ANO2: variants seen among roughly 807,000 people sequenced by gnomAD.
ANO2 encodes the protein anoctamin 2.
In ANO2, 101 loss-of-function variants were observed where a neutral mutation model predicts 124.2. The observed-to-expected ratio is 0.81, with a 90% CI of 0.69 to 0.96. ANO2 has a LOEUF of 0.96. Among genes scored for constraint, ANO2 ranks in the 40% least tolerant of loss-of-function variants. The probability of loss-of-function intolerance (pLI) is 0.00; values close to 1 mark genes in which losing one functional copy is unlikely to be tolerated. For missense variants in ANO2, 1,293 were observed against 1,274.5 expected (o/e 1.01, Z -0.22); for synonymous variants, 486 against 482.5 (o/e 1.01, Z -0.09).
chr12:5,656,080 G>C (rs1235926100), intron 14 of ANO2, among the ~76,000 whole-genome samples: 1 of 152,014 alleles, frequency 6.6e-6, no homozygotes, highest in African/African-American at 2.4e-5. Context: ...CAGATGATAA[G>C]GAAGTGGATG....
At chr12:5,714,382 T>C (rs1949935862) in intron 14 of ANO2, among the ~76,000 whole-genome samples, 2 of 152,160 alleles carry the variant, frequency 1.3e-5, no homozygotes, top group Non-Finnish European at 2.9e-5. Flanking sequence ...TAGCTGGAAC[T>C]AAGGCCGTGG....
intron 3 of ANO2, among the ~76,000 whole-genome samples, chr12:5,892,728 A>G (rs773130101): frequency 5.3e-5 from 8 of 152,212 alleles, no homozygotes; most frequent in Non-Finnish European, 7.4e-5. Flanking sequence ...CTGTGAGGAA[A>G]ACTAAGGTAA....
At chr12:5,683,083 ACTGTGCACTCTGTGTACC>A (rs1175064447) in intron 14 of ANO2, among the ~76,000 whole-genome samples, 1 of 152,140 alleles carries the variant, frequency 6.6e-6, no homozygotes, top group Admixed American at 6.5e-5. Context: ...GAGACTGTAT[ACTGTGCACTCTGTGTACC>A]CTGTGCACTC....
intron 14 of ANO2, among the ~76,000 whole-genome samples, chr12:5,691,188 C>T (rs1349076834): frequency 3.3e-5 from 5 of 151,888 alleles, no homozygotes; most frequent in East Asian, 3.9e-4. Flanking sequence ...ATTAGCCAGG[C>T]GTGGTGGCAC....
intron 3 of ANO2, among the ~76,000 whole-genome samples, chr12:5,879,598 A>G (rs1385230580): frequency 1.3e-5 from 2 of 152,222 alleles, no homozygotes; most frequent in African/African-American, 4.8e-5. Context: ...CAAGTGGGGA[A>G]GAGGAAACCT....
chr12:5,691,411 T>C (rs1445489980), intron 14 of ANO2, among the ~76,000 whole-genome samples: 1 of 149,532 alleles, frequency 6.7e-6, no homozygotes, highest in Non-Finnish European at 1.5e-5. Context: ...CAGGTCCTGG[T>C]AGGTGGAATA....
chr12:5,907,845 GTTC>G (rs1940800166), intron 3 of ANO2, among the ~76,000 whole-genome samples: 1 of 152,216 alleles, frequency 6.6e-6, no homozygotes, highest in African/African-American at 2.4e-5. Context: ...CATACCCTAA[GTTC>G]TTCTTGCTAC....
At chr12:5,724,712 G>C (rs570297527) in intron 14 of ANO2, among the ~76,000 whole-genome samples, 3 of 152,000 alleles carry the variant, frequency 2.0e-5, no homozygotes, top group Non-Finnish European at 2.9e-5. Flanking sequence ...CTCTATCCAC[G>C]GCCTCCTCTA....
intron 14 of ANO2, among the ~76,000 whole-genome samples, chr12:5,681,646 C>T (rs1468883140): frequency 6.6e-6 from 1 of 152,194 alleles, no homozygotes; most frequent in Non-Finnish European, 1.5e-5. Context: ...GTCACTTCCA[C>T]CCTGGAGGAA....
chr12:5,768,250 G>C (rs532635040), intron 10 of ANO2, among the ~76,000 whole-genome samples: 2 of 152,244 alleles, frequency 1.3e-5, no homozygotes, highest in Admixed American at 6.5e-5. Context: ...AGAATAATCA[G>C]TCCTCAACCC....
Position 5,818,346 on chromosome 12 carries a change from C to T in ANO2, c.892+9423G>A, listed in dbSNP as rs570792769. Among the ~76,000 whole-genome samples the T allele has an allele frequency of 1.7e-3, 260 of 151,430 alleles. 1 individual carries two copies. Among genetic ancestry groups the T allele is most frequent in the Non-Finnish European group, 3.7e-4 (25 of 67,838 alleles). The stretch of plus-strand genomic sequence containing the variant: ...CTGGACCCTTCCTGCCCTCAAACAT[C>T]GGACTCCAAGTTCTTCAGTTTTGGG... On this transcript the variant is annotated intron_variant, in intron 7 of 24. Transcript: ENST00000682330.
chr12:5,928,065 A>G (rs1942169816), intron 1 of ANO2, among the ~76,000 whole-genome samples: 1 of 152,152 alleles, frequency 6.6e-6, no homozygotes, highest in South Asian at 2.1e-4. Context: ...GCAGAAAGTG[A>G]GTTCACTAAG....
At chr12:5,592,230 A>T (rs953174266) in intron 20 of ANO2, among the ~76,000 whole-genome samples, 8 of 152,176 alleles carry the variant, frequency 5.3e-5, no homozygotes, top group African/African-American at 1.9e-4. Flanking sequence ...TCATTGTGTT[A>T]TCAGGTTCTA....
chr12:5,680,524 C>T (rs56000382), intron 14 of ANO2, among the ~76,000 whole-genome samples: 9,596 of 152,170 alleles, frequency 0.063, 313 homozygotes, highest in South Asian at 0.11. Context: ...GAAGAACGGC[C>T]GTGTGGAGCT....
chr12:5,597,207 C>A (rs1375256301), intron 20 of ANO2, among the ~76,000 whole-genome samples: 1 of 152,094 alleles, frequency 6.6e-6, no homozygotes, highest in African/African-American at 2.4e-5. Context: ...AGGTATTAAG[C>A]CTAGTACCCA....
intron 16 of ANO2, among the ~76,000 whole-genome samples, chr12:5,623,038 G>A (rs535071970): frequency 7.9e-5 from 12 of 152,080 alleles, no homozygotes; most frequent in Admixed American, 6.5e-4. Context: ...AGTGTTTCCA[G>A]AGGCCAGGTG....
Position 5,799,517 on chromosome 12 carries a change from C to A in ANO2, c.1045G>T (p.Asp349Tyr), listed in dbSNP as rs776441986. ...CCTACCACCTCTTACCTGATGAGGT[C>A]AATAGGTTGGAACTTATAGAACACT... is the stretch of plus-strand genomic sequence containing the variant. ...YGVFYKFQPI[D>Y]LIRKYFGEKI... Residue 349 changes from aspartate (D) to tyrosine (Y), a missense_variant, in exon 10 of 25, where the codon GAC (aspartate) becomes TAC (tyrosine). Transcript: ENST00000682330. 2.5e-6 allele frequency: 4 copies of A among 1,613,796 alleles called. No homozygotes were observed. Among genetic ancestry groups the A allele is most frequent in the Non-Finnish European group, 3.4e-6 (4 of 1,179,784 alleles).
intron 7 of ANO2, among the ~76,000 whole-genome samples, chr12:5,815,869 T>C (rs56034848): frequency 0.013 from 2,055 of 152,236 alleles, 32 homozygotes; most frequent in African/African-American, 0.041. Flanking sequence ...ATACTACTTG[T>C]ATATAGGTTA....
chr12:5,853,521 A>T (rs1954989705), intron 4 of ANO2, among the ~76,000 whole-genome samples: 1 of 152,092 alleles, frequency 6.6e-6, no homozygotes, highest in Non-Finnish European at 1.5e-5. Context: ...TTACCAGGTG[A>T]TCTTAATCAA....
Sources: allele counts gnomAD v4.1 joint callset (sites outside exome capture counted in the v4.1 genomes callset), GRCh38; gene constraint gnomAD v4.1.1; transcripts MANE v1.5; gene names NCBI Gene and HGNC (gene_info 2026-07-23, HGNC 2026-07-21).